RCC1L: variants seen among roughly 807,000 people sequenced by gnomAD.
RCC1L encodes the protein RCC1-like G exchanging factor-like protein.
RCC1L carries 46 observed loss-of-function variants against 58.6 expected under a neutral mutation model. That is an observed-to-expected ratio of 0.79 (90% confidence interval 0.62 to 1.00). The LOEUF (loss-of-function observed/expected upper bound fraction) is 1.00, where lower values mean the gene tolerates loss of function less well. Among genes scored for constraint, RCC1L ranks in the 50% least tolerant of loss-of-function variants. The probability of loss-of-function intolerance (pLI) is 0.00; values close to 1 mark genes in which losing one functional copy is unlikely to be tolerated. For missense variants in RCC1L, 636 were observed against 623.6 expected (o/e 1.02, Z -0.21); for synonymous variants, 281 against 262.9 (o/e 1.07, Z -0.67).
At position 75,047,951 on chromosome 7, in the gene RCC1L, T is replaced by TAAA. The variant is rs1165495607; in HGVS notation, c.1317+4757_1317+4759dup. On this transcript the variant is annotated intron_variant, in intron 10 of 10. Transcript: ENST00000610322. ...TGAGCCATAGCGCCTGGCCAATAAT[T>TAAA]AAAAAAAAAAAAAAAAAAAAAAAAA... 4.4e-4 allele frequency among the ~76,000 whole-genome samples: 32 copies of TAAA among 72,184 alleles called. 1 individual carries two copies. The highest frequency in any genetic ancestry group is 5.2e-4 in the African/African-American group (9 of 17,464). The allele number at this position is 72,184 out of a possible 152,430, so 47.4% of individuals were successfully genotyped here. A position where few individuals can be genotyped will look rare whatever the true frequency, so the allele number is the denominator to read the frequency against.
intron 8 of RCC1L, chr7:75,056,608 TG>T (rs1189874344): frequency 1.3e-6 from 2 of 1,534,996 alleles, no homozygotes; most frequent in East Asian, 4.9e-5. Context: ...TTTGATTTTT[TG>T]GCTGGAGAAG....
At chr7:75,072,169 T>TAC (rs1563081641) in intron 1 of RCC1L, among the ~76,000 whole-genome samples, 3 of 79,978 alleles carry the variant, frequency 3.8e-5, no homozygotes, top group African/African-American at 1.4e-4. Flanking sequence ...TACATATATA[T>TAC]ATATATATAT....
intron 2 of RCC1L, among the ~76,000 whole-genome samples, chr7:75,067,879 T>G (rs1300394757): frequency 6.6e-6 from 1 of 151,926 alleles, no homozygotes; most frequent in Non-Finnish European, 1.5e-5. Context: ...CTGTTGGAAT[T>G]TGCTTCAAAT....
chr7:75,055,860 C>T (rs1806059613), intron 9 of RCC1L, 41 bp downstream of exon 9: 5 of 1,613,148 alleles, frequency 3.1e-6, no homozygotes, highest in Non-Finnish European at 4.2e-6. Context: ...CAGAGAACCT[C>T]TGCTGGGCTC....
intron 4 of RCC1L, 115 bp downstream of exon 4, chr7:75,064,467 C>T (rs1465991205): frequency 2.0e-5 from 22 of 1,123,636 alleles, no homozygotes; most frequent in South Asian, 2.5e-5. Context: ...TGAGTTCTCA[C>T]GGCCCCCTCT....
rs1030320266 is a variant in RCC1L, at chr7:75,057,571, G to A, written c.1015C>T (p.Arg339Ter). Residue 339 changes from arginine (R) to a stop codon, truncating the protein, a stop_gained, in exon 8 of 11, where the codon CGA becomes TGA. Transcript: ENST00000610322. LOFTEE classifies it high-confidence loss of function. ...CLHFSGVGKVRQAACGGTGCA... is the reference protein window; with the variant it reads ...CLHFSGVGKV ...CCCGTGCCACCGCATGCAGCCTGTCGCACCTTCCCCACTCCTGAGAAGTGT... is the reference window on the plus strand; with the variant it reads ...CCCGTGCCACCGCATGCAGCCTGTCACACCTTCCCCACTCCTGAGAAGTGT... The A allele has an allele frequency of 2.5e-5, 40 of 1,613,852 alleles. No homozygotes were observed. The Middle Eastern group carries it at 6.6e-4, about 27-fold the overall frequency.
At position 75,059,873 on chromosome 7, in the gene RCC1L, G is replaced by A. The variant is rs1343298105; in HGVS notation, c.788-1104C>T. ...CACAGTGGGTTCATGCCATTCTCCC[G>A]CCTCAGCCTCCTGAGTAGCTGGGAC... On this transcript the variant is annotated intron_variant, in intron 6 of 10. Transcript: ENST00000610322. 3.3e-5 allele frequency among the ~76,000 whole-genome samples: 5 copies of A among 152,222 alleles called. No individual in the cohort carries two copies. In the East Asian group the frequency reaches 5.8e-4, roughly 18 times the overall value.
chr7:75,057,562 CA>C lies in RCC1L; in HGVS notation c.1023del (p.Ala342HisfsTer10). ...ACTGCACAGCCCGTGCCACCGCATGCAGCCTGTCGCACCTTCCCCACTCCTG... is the reference window on the plus strand; with the variant it reads ...ACTGCACAGCCCGTGCCACCGCATGCGCCTGTCGCACCTTCCCCACTCCTG... ...HFSGVGKVRQ[A>X]ACGGTGCAVL... On this transcript the variant is annotated frameshift_variant, in exon 8 of 11. Coordinates refer to ENST00000610322, the MANE Select transcript of RCC1L (RefSeq NM_030798.5). LOFTEE classifies it high-confidence loss of function. 1 of 1,613,950 alleles carries C rather than the reference CA, an allele frequency of 6.2e-7. No individual in the cohort carries two copies. Among genetic ancestry groups the C allele is most frequent in the Non-Finnish European group, 8.5e-7 (1 of 1,179,852 alleles).
chr7:75,042,887 A>C lies in RCC1L; in HGVS notation c.*145T>G. The C allele has an allele frequency of 6.7e-7, 1 of 1,492,010 alleles. No individual in the cohort carries two copies. The highest frequency in any genetic ancestry group is 9.0e-7 in the Non-Finnish European group (1 of 1,114,270). The allele number at this position is 1,492,010 out of a possible 1,614,324, so 92.4% of individuals were successfully genotyped here. ...TGATCCTCCTGGTAGGTACCCGCTA[A>C]GGGATTCAGGACAGAGCGTCACACT... On this transcript the variant is annotated 3_prime_UTR_variant, in exon 11 of 11. Coordinates refer to ENST00000610322, the MANE Select transcript of RCC1L (RefSeq NM_030798.5).
intron 5 of RCC1L, among the ~76,000 whole-genome samples, chr7:75,062,953 C>T (rs1309500921): frequency 3.9e-5 from 6 of 152,130 alleles, no homozygotes; most frequent in African/African-American, 7.2e-5. Context: ...CATGTGCCAC[C>T]ACACCCGGCT....
chr7:75,044,135 G>A (rs1485212872), intron 10 of RCC1L, among the ~76,000 whole-genome samples: 2 of 152,148 alleles, frequency 1.3e-5, no homozygotes, highest in Non-Finnish European at 2.9e-5. Context: ...CTATAGCCTC[G>A]CCATGGAAAC....
At chr7:75,072,151 T>TATAC (rs1407133504) in intron 1 of RCC1L, among the ~76,000 whole-genome samples, 1 of 54,410 alleles carries the variant, frequency 1.8e-5, no homozygotes, top group Non-Finnish European at 4.2e-5. Flanking sequence ...TACATATACA[T>TATAC]ATACATATAC....
intron 2 of RCC1L, among the ~76,000 whole-genome samples, chr7:75,068,373 A>G (rs80249039): frequency 0.034 from 5,129 of 149,484 alleles, 252 homozygotes; most frequent in African/African-American, 0.11. Flanking sequence ...AAAGACTTCT[A>G]TACTGACTTA....
downstream of RCC1L, among the ~76,000 whole-genome samples, chr7:75,041,461 G>C (rs1454802533): frequency 6.6e-6 from 1 of 152,158 alleles, no homozygotes; most frequent in Admixed American, 6.6e-5. Flanking sequence ...ACGCATTAAA[G>C]GAACGAGGTA....
intron 5 of RCC1L, among the ~76,000 whole-genome samples, chr7:75,062,829 C>T (rs1362122202): frequency 6.6e-6 from 1 of 151,982 alleles, no homozygotes; most frequent in East Asian, 1.9e-4. Context: ...CAGAGTCTTG[C>T]TCTGTCATCC....
rs1584484868 is a variant in RCC1L at position 75,034,107 on chromosome 7, A to G, written c.1318-6028T>C. 2.0e-5 allele frequency among the ~76,000 whole-genome samples: 3 copies of G among 152,174 alleles called. No individual in the cohort carries two copies. The East Asian group carries it at 5.8e-4, about 29-fold the overall frequency. On this transcript the variant is annotated intron_variant, in intron 10 of 10. Transcript: ENST00000614461. ...CAACACAGTTTGCGAAAAACCACTG[A>G]GCTGTGTGCTGTAAATGGTTTTATG... is the stretch of plus-strand genomic sequence containing the variant.
rs941540853 is a variant in RCC1L at position 75,051,351 on chromosome 7, C to T, written c.1317+1360G>A. Among the ~76,000 whole-genome samples, 273 of 147,508 alleles carry T rather than the reference C, an allele frequency of 1.9e-3. 2 individuals are homozygous for T. The highest frequency in any genetic ancestry group is 6.3e-3 in the African/African-American group (248 of 39,508). ...ACACACACACACATATATATACACA[C>T]ACACATATATATACACACATATATA... is the stretch of plus-strand genomic sequence containing the variant. On this transcript the variant is annotated intron_variant, in intron 10 of 10. Transcript: ENST00000610322.
rs587684804 is a variant in RCC1L at position 75,055,950 on chromosome 7, G to A, written c.1182C>T (p.Ile394=). ...LFGLTEFNPE[I]QVSRIRCGLS... ...GTCCACATCGGATGCGGGAAACCTG[G>A]ATTTCTGGGTTGAACTCCGTCAAGC... The change falls in exon 9 of 11, where the codon ATC becomes ATT. Residue 394 remains isoleucine, a synonymous_variant. Transcript: ENST00000610322. The A allele has an allele frequency of 2.5e-6, 4 of 1,613,960 alleles. No individual in the cohort carries two copies. In the South Asian group the frequency reaches 4.4e-5, roughly 18 times the overall value.
At chr7:75,067,935 T>C (rs1261230882) in intron 2 of RCC1L, among the ~76,000 whole-genome samples, 1 of 152,146 alleles carries the variant, frequency 6.6e-6, no homozygotes, top group Non-Finnish European at 1.5e-5. Flanking sequence ...GAGACTGGCA[T>C]GAGTTGATGA....
Sources: allele counts gnomAD v4.1 joint callset (sites outside exome capture counted in the v4.1 genomes callset), GRCh38; gene constraint gnomAD v4.1.1; transcripts MANE v1.5; gene names NCBI Gene and HGNC (gene_info 2026-07-23, HGNC 2026-07-21).